Variants in CYYR1 observed in about 807,000 individuals in gnomAD.
CYYR1 encodes cysteine and tyrosine rich 1.
A neutral mutation model predicts 15.2 loss-of-function variants in CYYR1; 14 were observed. That is an observed-to-expected ratio of 0.92 (90% CI 0.61 to 1.44). CYYR1 has a LOEUF of 1.44. Among genes scored for constraint, CYYR1 ranks in the 40% most tolerant of loss-of-function variants. The pLI, the probability that CYYR1 is intolerant of heterozygous loss-of-function variation, is 0.00. For synonymous variants in CYYR1, 80 were observed against 77.4 expected (o/e 1.03, Z -0.18); for missense variants, 228 against 209.5 (o/e 1.09, Z -0.54).
chr21:26,507,992 C>T (rs2065592566), intron 2 of CYYR1, among the ~76,000 whole-genome samples: 1 of 152,144 alleles, frequency 6.6e-6, no homozygotes, highest in Non-Finnish European at 1.5e-5. Flanking sequence ...GATGTAAGCT[C>T]ATAGTCACCT....
intron 2 of CYYR1, among the ~76,000 whole-genome samples, chr21:26,496,479 G>T (rs530432075): frequency 6.6e-6 from 1 of 152,104 alleles, no homozygotes; most frequent in African/African-American, 2.4e-5. Context: ...TTTTTTCTCA[G>T]TCTACAAAAT....
At chr21:26,481,057 A>G (rs925972623) in intron 2 of CYYR1, among the ~76,000 whole-genome samples, 1 of 152,194 alleles carries the variant, frequency 6.6e-6, no homozygotes, top group Non-Finnish European at 1.5e-5. Flanking sequence ...TTTCCCGCAG[A>G]AAGTTTTAGC....
intron 2 of CYYR1, among the ~76,000 whole-genome samples, chr21:26,526,651 C>T (rs992509621): frequency 1.3e-5 from 2 of 151,980 alleles, no homozygotes; most frequent in Admixed American, 6.6e-5. Context: ...ATTCTAATGC[C>T]GAATAAGGAT....
chr21:26,519,117 T>G (rs986789875), intron 2 of CYYR1, among the ~76,000 whole-genome samples: 1 of 152,226 alleles, frequency 6.6e-6, no homozygotes, highest in African/African-American at 2.4e-5. Flanking sequence ...TTCATTCATT[T>G]GATTCAACAA....
intron 2 of CYYR1, among the ~76,000 whole-genome samples, chr21:26,540,420 CA>C (rs1978467098): frequency 6.6e-6 from 1 of 152,064 alleles, no homozygotes; most frequent in African/African-American, 2.4e-5. Flanking sequence ...TTTTAAAAAC[CA>C]GGGGACAGAG....
At chr21:26,472,410 T>C (rs2065047042) in intron 3 of CYYR1, among the ~76,000 whole-genome samples, 1 of 152,128 alleles carries the variant, frequency 6.6e-6, no homozygotes, top group Non-Finnish European at 1.5e-5. Context: ...TTGCTTAGAA[T>C]ACATTATAAA....
At chr21:26,506,918 G>GAA (rs2065574413) in intron 2 of CYYR1, among the ~76,000 whole-genome samples, 1 of 152,106 alleles carries the variant, frequency 6.6e-6, no homozygotes, top group Non-Finnish European at 1.5e-5. Context: ...AGAGAAAGTA[G>GAA]AAAAATCCAT....
chr21:26,501,722 T>TG (rs1253480334), intron 2 of CYYR1, among the ~76,000 whole-genome samples: 1 of 152,220 alleles, frequency 6.6e-6, no homozygotes, highest in Non-Finnish European at 1.5e-5. Context: ...GTTATCTCGA[T>TG]GGAAGGATTC....
intron 2 of CYYR1, among the ~76,000 whole-genome samples, chr21:26,507,808 C>T (rs1444682754): frequency 1.3e-5 from 2 of 152,222 alleles, no homozygotes; most frequent in African/African-American, 2.4e-5. Flanking sequence ...TTGGGCATCA[C>T]AGGATGGGTG....
intron 2 of CYYR1, among the ~76,000 whole-genome samples, chr21:26,506,399 T>C (rs1433393639): frequency 1.3e-5 from 2 of 152,116 alleles, no homozygotes; most frequent in Non-Finnish European, 2.9e-5. Context: ...GATTCACGAA[T>C]CCCATAAATA....
rs1981120331 is a variant in CYYR1, at chr21:26,573,081, T to C, written c.-141A>G. The C allele has an allele frequency of 2.1e-5, 33 of 1,542,360 alleles. No individual in the cohort carries two copies. Among genetic ancestry groups the C allele is most frequent in the Non-Finnish European group, 2.9e-5 (33 of 1,147,482 alleles). On this transcript the variant is annotated 5_prime_UTR_variant, in exon 1 of 4. Transcript: ENST00000652641. ...AGACCCGGCCATTGCCTAGGGAGCC[T>C]TCCAAGGGAGCCCGGGCCGGGCGCG...
intron 1 of CYYR1, among the ~76,000 whole-genome samples, chr21:26,571,292 T>A (rs1980994782): frequency 6.6e-6 from 1 of 152,256 alleles, no homozygotes; most frequent in Admixed American, 6.5e-5. Flanking sequence ...GCAAAGATAG[T>A]AAGTCAACTT....
intron 2 of CYYR1, among the ~76,000 whole-genome samples, chr21:26,480,987 T>C (rs1015390788): frequency 6.6e-6 from 1 of 152,152 alleles, no homozygotes; most frequent in African/African-American, 2.4e-5. Flanking sequence ...CAAATAAGTA[T>C]CCCATTAATT....
chr21:26,535,414 A>G (rs2065982386), intron 2 of CYYR1, among the ~76,000 whole-genome samples: 1 of 152,190 alleles, frequency 6.6e-6, no homozygotes, highest in South Asian at 2.1e-4. Flanking sequence ...ATGTGGGCAA[A>G]AAGGGGGAGA....
At chr21:26,477,153 G>C (rs2065116199) in intron 3 of CYYR1, among the ~76,000 whole-genome samples, 1 of 152,132 alleles carries the variant, frequency 6.6e-6, no homozygotes, top group African/African-American at 2.4e-5. Flanking sequence ...TCTGTGGGCT[G>C]TAGGACTATA....
intron 1 of CYYR1, chr21:26,568,993 A>G (rs1980836362): frequency 6.6e-6 from 1 of 152,228 alleles, no homozygotes; most frequent in Non-Finnish European, 1.5e-5. Flanking sequence ...GGAAATGTAA[A>G]TTAGTTCAAC....
intron 2 of CYYR1, among the ~76,000 whole-genome samples, chr21:26,544,389 T>C (rs924555302): frequency 9.2e-5 from 14 of 152,240 alleles, no homozygotes; most frequent in Admixed American, 2.6e-4. Flanking sequence ...ACAGAAATCG[T>C]AAAATAAGAT....
chr21:26,474,547 A>G (rs1001250890), intron 3 of CYYR1, among the ~76,000 whole-genome samples: 9 of 151,534 alleles, frequency 5.9e-5, no homozygotes, highest in Non-Finnish European at 1.2e-4. Context: ...CTTGTTATCA[A>G]TATCTGTGGT....
In CYYR1 at chr21:26,561,976, T is replaced by C. The variant is rs112303290; in HGVS notation, c.176+4290A>G. On this transcript the variant is annotated intron_variant, in intron 2 of 3. Coordinates refer to ENST00000652641, the MANE Select transcript of CYYR1 (RefSeq NM_001320768.2). The stretch of plus-strand genomic sequence containing the variant: ...AAGAGGACTCTATAAACCACATTTT[T>C]ACACTGGATCTACTTTCTGGGGAAT... 2.6e-5 allele frequency among the ~76,000 whole-genome samples: 4 copies of C among 152,342 alleles called. 1 individual carries two copies. The highest frequency in any genetic ancestry group is 9.6e-5 in the African/African-American group (4 of 41,582).
Sources: allele counts gnomAD v4.1 joint callset (sites outside exome capture counted in the v4.1 genomes callset), GRCh38; gene constraint gnomAD v4.1.1; transcripts MANE v1.5; gene names NCBI Gene and HGNC (gene_info 2026-07-23, HGNC 2026-07-21).